ADAMTS12: variants seen among roughly 807,000 people sequenced by gnomAD.
ADAMTS12 encodes the protein ADAM metallopeptidase with thrombospondin type 1 motif 12.
A neutral mutation model predicts 167.8 loss-of-function variants in ADAMTS12; 118 were observed. That is an observed-to-expected ratio of 0.70 (90% CI 0.61 to 0.82). The LOEUF is 0.82. Ranked by LOEUF, ADAMTS12 falls within the 40% of genes least tolerant of loss-of-function variation. The pLI, the probability that ADAMTS12 is intolerant of heterozygous loss-of-function variation, is 0.00. For missense variants in ADAMTS12, 1,916 were observed against 1,998.8 expected, an observed-to-expected ratio of 0.96 and a Z score of 0.79; for synonymous variants, 704 against 716.9, an observed-to-expected ratio of 0.98 and a Z score of 0.29.
At chr5:33,814,123 A>G (rs11955019) in intron 2 of ADAMTS12, among the ~76,000 whole-genome samples, 67,415 of 151,602 alleles carry the variant, frequency 0.44, 15,275 homozygotes, top group Non-Finnish European at 0.47. Context: ...CAATGTATCA[A>G]TCTTTTCCTT....
At chr5:33,853,067 A>G (rs1432772316) in intron 2 of ADAMTS12, among the ~76,000 whole-genome samples, 2 of 152,176 alleles carry the variant, frequency 1.3e-5, no homozygotes, top group Non-Finnish European at 2.9e-5. Flanking sequence ...CCCTGTCTGC[A>G]TGGGTACTGT....
chr5:33,697,769 A>T (rs1177371048), intron 3 of ADAMTS12, among the ~76,000 whole-genome samples: 2 of 152,176 alleles, frequency 1.3e-5, no homozygotes, highest in Non-Finnish European at 2.9e-5. Flanking sequence ...TGTTTAGCCA[A>T]CCGGGATTAG....
At chr5:33,592,130 G>A (rs1747674468) in intron 17 of ADAMTS12, among the ~76,000 whole-genome samples, 1 of 152,170 alleles carries the variant, frequency 6.6e-6, no homozygotes, top group African/African-American at 2.4e-5. Flanking sequence ...TTGGGAGGCT[G>A]AGGTAGGAGG....
chr5:33,636,211 A>G (rs1287947330), intron 12 of ADAMTS12, among the ~76,000 whole-genome samples: 1 of 152,162 alleles, frequency 6.6e-6, no homozygotes, highest in East Asian at 1.9e-4. Flanking sequence ...CGTACTAAGC[A>G]CATGTGATAT....
At chr5:33,795,441 AC>A (rs1746737593) in intron 2 of ADAMTS12, among the ~76,000 whole-genome samples, 1 of 152,246 alleles carries the variant, frequency 6.6e-6, no homozygotes, top group Non-Finnish European at 1.5e-5. Context: ...ATTAAAAATT[AC>A]CAAATTCCAG....
intron 3 of ADAMTS12, among the ~76,000 whole-genome samples, chr5:33,693,446 C>T (rs1742628754): frequency 6.6e-6 from 1 of 152,108 alleles, no homozygotes; most frequent in Non-Finnish European, 1.5e-5. Context: ...AACATATTTA[C>T]AGTTTGTTCT....
chr5:33,844,347 C>A (rs992540136), intron 2 of ADAMTS12, among the ~76,000 whole-genome samples: 1 of 152,184 alleles, frequency 6.6e-6, no homozygotes, highest in Non-Finnish European at 1.5e-5. Flanking sequence ...CTTTCAAAAG[C>A]AAACAGGAGA....
intron 5 of ADAMTS12, among the ~76,000 whole-genome samples, chr5:33,677,084 T>C (rs1741940765): frequency 6.6e-6 from 1 of 152,222 alleles, no homozygotes; most frequent in African/African-American, 2.4e-5. Context: ...GTCTCTATCT[T>C]GTTCTTAAAA....
chr5:33,776,851 G>A (rs1010256202), intron 2 of ADAMTS12, among the ~76,000 whole-genome samples: 2 of 152,044 alleles, frequency 1.3e-5, no homozygotes, highest in African/African-American at 4.8e-5. Flanking sequence ...AGCCATTTCA[G>A]TTGATACCAC....
chr5:33,580,736 C>G (rs1397499760), intron 18 of ADAMTS12, among the ~76,000 whole-genome samples: 1 of 152,050 alleles, frequency 6.6e-6, no homozygotes, highest in African/African-American at 2.4e-5. Flanking sequence ...ACACAAAAAC[C>G]AAAATAGTAG....
intron 4 of ADAMTS12, among the ~76,000 whole-genome samples, 178 bp downstream of exon 4, chr5:33,683,681 A>G (rs935143687): frequency 2.0e-5 from 3 of 152,202 alleles, no homozygotes; most frequent in African/African-American, 7.2e-5. Context: ...TTTAAGGGAA[A>G]GACTAATTCA....
At chr5:33,818,121 G>C (rs1477204520) in intron 2 of ADAMTS12, among the ~76,000 whole-genome samples, 2 of 151,870 alleles carry the variant, frequency 1.3e-5, no homozygotes, top group African/African-American at 4.8e-5. Context: ...GACAAGAGCA[G>C]GTAAAATCTA....
At chr5:33,757,940 C>T (rs751090139) in intron 2 of ADAMTS12, among the ~76,000 whole-genome samples, 2 of 152,128 alleles carry the variant, frequency 1.3e-5, no homozygotes, top group African/African-American at 2.4e-5. Context: ...TAAAGTGGTG[C>T]TTTAAAAGCA....
At chr5:33,842,938 G>C (rs1748798495) in intron 2 of ADAMTS12, among the ~76,000 whole-genome samples, 1 of 152,212 alleles carries the variant, frequency 6.6e-6, no homozygotes, top group Non-Finnish European at 1.5e-5. Flanking sequence ...CAACTTCATA[G>C]ATTTGTTATG....
intron 2 of ADAMTS12, among the ~76,000 whole-genome samples, chr5:33,840,929 G>C (rs1748724424): frequency 6.6e-6 from 1 of 152,194 alleles, no homozygotes; most frequent in Non-Finnish European, 1.5e-5. Flanking sequence ...AGATGCTTTA[G>C]GTTTAGTGCA....
chr5:33,807,641 A>T (rs1438972112), intron 2 of ADAMTS12, among the ~76,000 whole-genome samples: 2 of 152,230 alleles, frequency 1.3e-5, no homozygotes, highest in African/African-American at 4.8e-5. Flanking sequence ...TCAGATTTAA[A>T]TTTAATGCAG....
At chr5:33,890,682 T>C (rs1165941636) in intron 1 of ADAMTS12, among the ~76,000 whole-genome samples, 1 of 152,194 alleles carries the variant, frequency 6.6e-6, no homozygotes, top group Non-Finnish European at 1.5e-5. Flanking sequence ...CCCAGTGCTC[T>C]GTGTGCGTGT....
chr5:33,834,947 A>C lies in ADAMTS12; in HGVS notation c.489+46172T>G, dbSNP rs28546905. On this transcript the variant is annotated intron_variant, in intron 2 of 23. Transcript: ENST00000504830. ...CCCAATGGCCCTTGCAGGGAGAGGG[A>C]GCAGGAAAGAAGCAGGAAACTCACT... is the stretch of plus-strand genomic sequence containing the variant. Among the ~76,000 whole-genome samples the C allele has an allele frequency of 1.4e-3, 208 of 152,254 alleles. 1 individual carries two copies. The highest frequency in any genetic ancestry group is 4.8e-3 in the African/African-American group (200 of 41,540).
chr5:33,613,915 T>C (rs766576091), intron 16 of ADAMTS12, among the ~76,000 whole-genome samples: 2 of 152,272 alleles, frequency 1.3e-5, no homozygotes, highest in East Asian at 1.9e-4. Context: ...TCCACTTTTG[T>C]GGTCTTCAGG....
Sources: allele counts gnomAD v4.1 joint callset (sites outside exome capture counted in the v4.1 genomes callset), GRCh38; gene constraint gnomAD v4.1.1; transcripts MANE v1.5; gene names NCBI Gene and HGNC (gene_info 2026-07-23, HGNC 2026-07-21).